Variants in PARD3B observed in about 807,000 individuals in gnomAD.
PARD3B encodes partitioning defective 3 homolog B.
A neutral mutation model predicts 130.2 loss-of-function variants in PARD3B; 103 were observed. The observed-to-expected ratio is 0.79, with a 90% confidence interval of 0.67 to 0.93. The LOEUF (loss-of-function observed/expected upper bound fraction) is 0.93. Among genes scored for constraint, PARD3B ranks in the 40% least tolerant of loss-of-function variants. The pLI, the probability that PARD3B is intolerant of heterozygous loss-of-function variation, is 0.00. For synonymous variants in PARD3B, 583 were observed against 553.2 expected (o/e 1.05, Z -0.76); for missense variants, 1,609 against 1,499.2 (o/e 1.07, Z -1.21).
At position 205,407,599 on chromosome 2, in the gene PARD3B, T is replaced by TA. The variant is rs993914943; in HGVS notation, c.2741+6477dup. Reference sequence around the variant, plus strand: ...TAATCAGAATCTTGGACCTGTAAAATACCAAACTAAATACCTGTATTCTTA... The same window carrying TA: ...TAATCAGAATCTTGGACCTGTAAAATAACCAAACTAAATACCTGTATTCTTA... On this transcript the variant is annotated intron_variant, in intron 19 of 22. Transcript: ENST00000406610. This position sits in a 1 kb window ranked among gnomAD's most constrained non-coding sequence, Gnocchi z 4.1. 3.0e-4 allele frequency among the ~76,000 whole-genome samples: 46 copies of TA among 152,250 alleles called. No homozygotes were observed. The highest frequency in any genetic ancestry group is 9.1e-4 in the African/African-American group (38 of 41,560).
At chr2:205,526,257 G>T (rs945855414) in intron 21 of PARD3B, among the ~76,000 whole-genome samples, 13 of 152,150 alleles carry the variant, frequency 8.5e-5, no homozygotes, top group African/African-American at 2.7e-4. Context: ...GTGGGATTGT[G>T]GATGTGCACT....
chr2:204,899,051 AG>A (rs1027395492), intron 2 of PARD3B, among the ~76,000 whole-genome samples: 3 of 115,700 alleles, frequency 2.6e-5, no homozygotes, highest in East Asian at 4.4e-4. Context: ...ACGGAATATT[AG>A]GTTTTTTTTT....
intron 2 of PARD3B, among the ~76,000 whole-genome samples, chr2:204,925,816 A>T (rs1687569820): frequency 6.6e-6 from 1 of 152,046 alleles, no homozygotes; most frequent in Non-Finnish European, 1.5e-5. Flanking sequence ...AACCCAGTGG[A>T]TGGTCATTAG....
intron 15 of PARD3B, among the ~76,000 whole-genome samples, chr2:205,224,621 G>A (rs1234086481): frequency 1.6e-5 from 2 of 127,856 alleles, no homozygotes; most frequent in African/African-American, 6.0e-5. Context: ...CTATCTCCAT[G>A]ACTTCAGTTG....
chr2:204,595,950 A>T (rs754847578), intron 1 of PARD3B, among the ~76,000 whole-genome samples: 6 of 152,220 alleles, frequency 3.9e-5, no homozygotes, highest in Non-Finnish European at 7.3e-5. Flanking sequence ...GCAACTGATT[A>T]TTTGCAGGTG....
chr2:204,874,880 A>G (rs1298995849), intron 2 of PARD3B, among the ~76,000 whole-genome samples: 1 of 152,164 alleles, frequency 6.6e-6, no homozygotes, highest in Non-Finnish European at 1.5e-5. Flanking sequence ...TTTTTGTGAA[A>G]TTCATCCATA....
rs964776158 is a variant in PARD3B, at chr2:205,550,317, G to A, written c.3181-3007G>A. ...GCCTCCTTCCTCAGACTTCCACAGT[G>A]ATCTCATTGTACCACAATTGTTTGC... On this transcript the variant is annotated intron_variant, in intron 21 of 22. Coordinates refer to ENST00000406610, the MANE Select transcript of PARD3B (RefSeq NM_001302769.2). The surrounding 1 kb of genome is among the most constrained non-coding windows in gnomAD (Gnocchi z 4.5). Among the ~76,000 whole-genome samples the A allele has an allele frequency of 2.0e-5, 3 of 152,142 alleles. No individual in the cohort carries two copies. Among genetic ancestry groups the A allele is most frequent in the Non-Finnish European group, 4.4e-5 (3 of 68,040 alleles).
intron 2 of PARD3B, among the ~76,000 whole-genome samples, chr2:204,880,339 A>C (rs1317524741): frequency 6.6e-6 from 1 of 152,110 alleles, no homozygotes; most frequent in African/African-American, 2.4e-5. Context: ...ATAGAGAGAG[A>C]GCATGCATAT....
At chr2:204,851,990 G>C (rs2044725385) in intron 2 of PARD3B, among the ~76,000 whole-genome samples, 1 of 152,192 alleles carries the variant, frequency 6.6e-6, no homozygotes, top group Non-Finnish European at 1.5e-5. Context: ...GCCACACCCA[G>C]CTGACAATCT....
chr2:205,434,649 T>C (rs2047447963), intron 19 of PARD3B, among the ~76,000 whole-genome samples: 1 of 152,062 alleles, frequency 6.6e-6, no homozygotes, highest in East Asian at 1.9e-4. Flanking sequence ...AAAACTAGAG[T>C]TAAATATTTG....
chr2:205,483,034 G>T (rs1360896036), intron 20 of PARD3B, among the ~76,000 whole-genome samples: 2 of 152,064 alleles, frequency 1.3e-5, no homozygotes, highest in Admixed American at 1.3e-4. Context: ...ATGATTACAT[G>T]CTGCTTCAGT....
chr2:204,935,500 C>G (rs1318395167), intron 2 of PARD3B, among the ~76,000 whole-genome samples: 1 of 151,734 alleles, frequency 6.6e-6, no homozygotes, highest in Non-Finnish European at 1.5e-5. Context: ...GATGGCGCCA[C>G]TGTACTCCAG....
chr2:205,565,132 C>T lies in PARD3B; in HGVS notation c.3260+11729C>T, dbSNP rs2053276622. ...AGATAAGACTTCTGCCCACTAACTG[C>T]TTACATGTGGCTGAGGCAAACACAG... is the stretch of plus-strand genomic sequence containing the variant. On this transcript the variant is annotated intron_variant, in intron 22 of 22. Coordinates refer to ENST00000406610, the MANE Select transcript of PARD3B (RefSeq NM_001302769.2). Among the ~76,000 whole-genome samples the T allele has an allele frequency of 2.0e-5, 3 of 152,300 alleles. No individual in the cohort carries two copies. The South Asian group carries it at 6.2e-4, about 32-fold the overall frequency.
intron 4 of PARD3B, among the ~76,000 whole-genome samples, chr2:205,049,428 G>A (rs922399603): frequency 1.3e-5 from 2 of 152,126 alleles, no homozygotes; most frequent in African/African-American, 4.8e-5. Context: ...TGGGGGAACT[G>A]TGCCCATGAT....
rs112604977 is a variant in PARD3B, at chr2:205,499,905, T to A, written c.3054T>A (p.Pro1018=). ...HPLVPADSGR[P]TGGSTDRIQK... is the part of the protein sequence containing the mutation. ...TGTCTATATCCTGTAGTGGCCGTCC[T>A]ACGGGTGGAAGCACTGACCGTATCC... The change falls in exon 21 of 23, where the codon CCT becomes CCA. Residue 1018 remains proline, a synonymous_variant. Coordinates refer to ENST00000406610, the MANE Select transcript of PARD3B (RefSeq NM_001302769.2). The A allele has an allele frequency of 8.5e-4, 1,370 of 1,613,710 alleles. 12 individuals are homozygous for A. In the African/African-American group the frequency reaches 0.016, roughly 19 times the overall value.
chr2:205,385,044 G>A (rs917189304), intron 18 of PARD3B, among the ~76,000 whole-genome samples: 3 of 151,846 alleles, frequency 2.0e-5, no homozygotes, highest in South Asian at 2.1e-4. Flanking sequence ...AATACTTCCC[G>A]AATTAATTTG....
chr2:204,824,205 G>A (rs912571802), intron 2 of PARD3B, among the ~76,000 whole-genome samples: 2 of 152,162 alleles, frequency 1.3e-5, no homozygotes, highest in African/African-American at 2.4e-5. Flanking sequence ...GGACTGATAT[G>A]TTATCCTCTG....
intron 3 of PARD3B, among the ~76,000 whole-genome samples, chr2:204,976,888 G>A (rs558945656): frequency 1.9e-4 from 29 of 152,126 alleles, no homozygotes; most frequent in African/African-American, 7.0e-4. Context: ...GGGATTACAG[G>A]GGTGAGCCAG....
intron 22 of PARD3B, among the ~76,000 whole-genome samples, chr2:205,586,575 T>C (rs981762115): frequency 1.3e-5 from 2 of 152,112 alleles, no homozygotes; most frequent in African/African-American, 4.8e-5. Flanking sequence ...TTTTTAGCCA[T>C]CTTTATACAT....
Sources: allele counts gnomAD v4.1 joint callset (sites outside exome capture counted in the v4.1 genomes callset), GRCh38; gene constraint gnomAD v4.1.1; non-coding constraint Gnocchi (gnomAD v3.1); transcripts MANE v1.5; gene names NCBI Gene and HGNC (gene_info 2026-07-23, HGNC 2026-07-21).